NTRK1: variants seen among roughly 807,000 people sequenced by gnomAD.
NTRK1 encodes the protein neurotrophic receptor tyrosine kinase 1, also known as high affinity nerve growth factor receptor.
Under a neutral mutation model 86.8 loss-of-function variants are expected in NTRK1, and 62 were observed. The observed-to-expected ratio is 0.71, with a 90% CI of 0.58 to 0.88. The LOEUF is 0.88. Ranked by LOEUF, NTRK1 falls within the 40% of genes least tolerant of loss-of-function variation. The probability of loss-of-function intolerance (pLI) is 0.00; values close to 1 mark genes in which losing one functional copy is unlikely to be tolerated. For missense variants in NTRK1, 967 were observed against 1,078.4 expected, an observed-to-expected ratio of 0.90 and a Z score of 1.45; for synonymous variants, 469 against 456.6, an observed-to-expected ratio of 1.03 and a Z score of -0.35.
chr1:156,846,792 A>C, intron 2 of NTRK1: 1 of 1,543,296 alleles, frequency 6.5e-7, no homozygotes, highest in Non-Finnish European at 9.0e-7. Context: ...GGGGTCATTC[A>C]ACCCCACCCT....
At chr1:156,827,374 T>C (rs1654347209) in intron 1 of NTRK1, among the ~76,000 whole-genome samples, 1 of 152,144 alleles carries the variant, frequency 6.6e-6, no homozygotes, top group Non-Finnish European at 1.5e-5. Context: ...GGGATTCTTT[T>C]GCCTCAGCCT....
In NTRK1 at chr1:156,881,491, A is replaced by G. The variant is rs756714717; in HGVS notation, c.2240A>G (p.Glu747Gly). 6.3e-7 allele frequency: 1 copy of G among 1,586,530 alleles called. No homozygotes were observed. Among genetic ancestry groups the G allele is most frequent in the South Asian group, 1.1e-5 (1 of 87,078 alleles). ...IDCITQGREL[E>G]RPRACPPEVY... Reference sequence around the variant, plus strand: ...TGCATCACGCAGGGACGTGAGTTGGAGCGGCCACGTGCCTGCCCACCAGAG... The same window carrying G: ...TGCATCACGCAGGGACGTGAGTTGGGGCGGCCACGTGCCTGCCCACCAGAG... Residue 747 changes from glutamate (E) to glycine (G), a missense_variant, in exon 17 of 17, where the codon GAG becomes GGG. Physicochemically the swap from Glu to Gly is moderately conservative, Grantham distance 98 (BLOSUM62 -2). Around this residue, in one of 2 missense-constraint regions of NTRK1, gnomAD observed 637 missense variants for 776.5 expected, o/e 0.82. Coordinates refer to ENST00000524377, the MANE Select transcript of NTRK1 (RefSeq NM_002529.4).
At chr1:156,823,252 A>G (rs1246178232) in intron 1 of NTRK1, among the ~76,000 whole-genome samples, 2 of 152,178 alleles carry the variant, frequency 1.3e-5, no homozygotes, top group African/African-American at 4.8e-5. Context: ...GACACAGTAC[A>G]ATATTGTGCG....
intron 3 of NTRK1, among the ~76,000 whole-genome samples, chr1:156,865,646 G>T (rs527649758): frequency 6.6e-6 from 1 of 152,292 alleles, no homozygotes; most frequent in South Asian, 2.1e-4. Flanking sequence ...CTGGAGAATA[G>T]TGGCACTATT....
chr1:156,834,615 T>G (rs1447375283), intron 1 of NTRK1, among the ~76,000 whole-genome samples: 2 of 152,172 alleles, frequency 1.3e-5, no homozygotes, highest in Non-Finnish European at 2.9e-5. Context: ...AAAGTAGATT[T>G]TAAAACATCT....
At chr1:156,864,643 G>C (rs558061252) in intron 2 of NTRK1, 85 bp from the exon 3 acceptor site, 2 of 1,448,794 alleles carry the variant, frequency 1.4e-6, no homozygotes, top group Admixed American at 3.6e-5. Flanking sequence ...CAGCACAGGG[G>C]ACTGGGAGGC....
intron 1 of NTRK1, among the ~76,000 whole-genome samples, chr1:156,818,879 T>G (rs995750775): frequency 3.9e-5 from 6 of 152,218 alleles, no homozygotes; most frequent in Non-Finnish European, 7.3e-5. Flanking sequence ...TCTACTTTTG[T>G]TTTTTTAAGG....
In NTRK1 at chr1:156,860,866, G is replaced by T; in HGVS notation, c.-69G>T. On this transcript the variant is annotated 5_prime_UTR_variant, in exon 1 of 17. Coordinates refer to ENST00000524377, the MANE Select transcript of NTRK1 (RefSeq NM_002529.4). ...ACACCGCCCAGCGCACATGTCGGGGGAGGCCTGGCAGCTGCAGCTGGGAGC... is the reference window on the plus strand; with the variant it reads ...ACACCGCCCAGCGCACATGTCGGGGTAGGCCTGGCAGCTGCAGCTGGGAGC... 7.2e-7 allele frequency: 1 copy of T among 1,384,716 alleles called. No individual in the cohort carries two copies. Among genetic ancestry groups the T allele is most frequent in the South Asian group, 1.7e-5 (1 of 59,770 alleles). 85.8% of individuals were successfully genotyped at this position (1,384,716 alleles called of 1,614,324 possible).
At position 156,868,219 on chromosome 1, in the gene NTRK1, C is replaced by T. The variant is rs755312547; in HGVS notation, c.544C>T (p.Pro182Ser). Residue 182 changes from proline (P) to serine (S), a missense_variant, in exon 5 of 17, where the codon CCC (proline) becomes TCC (serine). Physicochemically the swap from Pro to Ser is moderately conservative, Grantham distance 74. Coordinates refer to ENST00000524377, the MANE Select transcript of NTRK1 (RefSeq NM_002529.4). Reference protein sequence around the residue: ...EQKLQCHGQGPLAHMPNASCG... With the variant: ...EQKLQCHGQGSLAHMPNASCG... Reference sequence around the variant, plus strand: ...GAAGCTGCAGTGTCATGGGCAAGGGCCCCTGGCCCACATGCCCAATGCCAG... The same window carrying T: ...GAAGCTGCAGTGTCATGGGCAAGGGTCCCTGGCCCACATGCCCAATGCCAG... 6.2e-7 allele frequency: 1 copy of T among 1,612,016 alleles called. No homozygotes were observed. Among genetic ancestry groups the T allele is most frequent in the Admixed American group, 1.7e-5 (1 of 60,030 alleles).
intron 1 of NTRK1, among the ~76,000 whole-genome samples, chr1:156,834,206 A>G (rs1410191514): frequency 6.6e-6 from 1 of 152,206 alleles, no homozygotes; most frequent in Non-Finnish European, 1.5e-5. Flanking sequence ...GAAGCCACAG[A>G]GACCAAGGAT....
chr1:156,874,312 C>T (rs182642681), intron 8 of NTRK1, 71 bp from the exon 9 acceptor site: 6 of 1,609,366 alleles, frequency 3.7e-6, no homozygotes, highest in Non-Finnish European at 5.1e-6. Flanking sequence ...AGGGGACTCA[C>T]TGCTTTCCTC....
At chr1:156,821,453 CTGTGTGTG>C (rs59579534) in intron 1 of NTRK1, among the ~76,000 whole-genome samples, 192 of 137,958 alleles carry the variant, frequency 1.4e-3, no homozygotes, top group Non-Finnish European at 1.7e-3. Context: ...CTAATTTAGC[CTGTGTGTG>C]TGTGTGTGTG....
chr1:156,839,584 C>T (rs948870042), intron 1 of NTRK1, among the ~76,000 whole-genome samples: 1 of 152,206 alleles, frequency 6.6e-6, no homozygotes, highest in Non-Finnish European at 1.5e-5. Flanking sequence ...CCACAGGGTG[C>T]CAGACACACA....
At chr1:156,861,956 C>A (rs771948554) in intron 1 of NTRK1, among the ~76,000 whole-genome samples, 2 of 152,134 alleles carry the variant, frequency 1.3e-5, no homozygotes, top group South Asian at 2.1e-4. Flanking sequence ...TGGGAGTATG[C>A]GGTAATGACT....
chr1:156,868,556 A>G lies in NTRK1; in HGVS notation c.626A>G (p.Asp209Gly), dbSNP rs1413555180. Residue 209 changes from aspartate to glycine, a missense_variant, in exon 6 of 17, where the codon GAC becomes GGC. Asp to Gly is a moderately conservative substitution (Grantham distance 94). Coordinates refer to ENST00000524377, the MANE Select transcript of NTRK1 (RefSeq NM_002529.4). ...CCCAATGCCTCGGTGGATGTGGGGG[A>G]CGACGTGCTGCTGCGGTGCCAGGTG... The part of the protein sequence containing the change: ...QVPNASVDVG[D>G]DVLLRCQVEG... 1.3e-6 allele frequency: 2 copies of G among 1,556,788 alleles called. No homozygotes were observed. Among genetic ancestry groups the G allele is most frequent in the Non-Finnish European group, 1.7e-6 (2 of 1,149,946 alleles).
chr1:156,881,548 G>A lies in NTRK1; in HGVS notation c.2297G>A (p.Arg766Gln), dbSNP rs764581997. 26 of 1,608,524 alleles carry A rather than the reference G, an allele frequency of 1.6e-5. 1 individual carries two copies. Among genetic ancestry groups the A allele is most frequent in the South Asian group, 7.8e-5 (7 of 90,030 alleles). The change falls in exon 17 of 17, where the codon CGG (arginine) becomes CAG (glutamine). Residue 766 changes from arginine to glutamine, a missense_variant. By Grantham distance (43) the Arg-to-Gln change is conservative. Around this residue, in one of 2 missense-constraint regions of NTRK1, gnomAD observed 637 missense variants for 776.5 expected, o/e 0.82. Coordinates refer to ENST00000524377, the MANE Select transcript of NTRK1 (RefSeq NM_002529.4). ...VYAIMRGCWQ[R>Q]EPQQRHSIKD... ...GCCATCATGCGGGGCTGCTGGCAGC[G>A]GGAGCCCCAGCAACGCCACAGCATC... is the stretch of plus-strand genomic sequence containing the variant.
intron 2 of NTRK1, chr1:156,842,361 C>T (rs1000057562): frequency 9.9e-6 from 16 of 1,612,858 alleles, no homozygotes; most frequent in Middle Eastern, 1.6e-4. Context: ...CTGTGCCCAA[C>T]CCTTCTTTCA....
At chr1:156,857,028 C>T (rs1031019476), upstream of NTRK1, among the ~76,000 whole-genome samples, 10 of 152,218 alleles carry the variant, frequency 6.6e-5, no homozygotes, top group African/African-American at 2.4e-4. Flanking sequence ...TGCCACATGC[C>T]ACGCTATCCA....
At chr1:156,848,906 GC>G (rs1553259072) in intron 2 of NTRK1, 2 of 1,478,934 alleles carry the variant, frequency 1.4e-6, no homozygotes, top group Non-Finnish European at 1.8e-6. Context: ...CTCCGGCCCC[GC>G]CCCCGGCACT....
Sources: gnomAD v4.1 joint callset for allele counts (sites outside exome capture counted in the v4.1 genomes callset) on GRCh38, gnomAD v4.1.1 for gene constraint, gnomAD v4.1.1 regional missense constraint, MANE v1.5 for transcripts, NCBI Gene and HGNC (gene_info 2026-07-23, HGNC 2026-07-21) for gene names.